The following MYO18A variants were observed in gnomAD, a reference collection of about 807,000 sequenced individuals.
MYO18A encodes the protein myosin XVIIIA, also known as unconventional myosin-XVIIIa.
In MYO18A, 78 loss-of-function variants were observed where a neutral mutation model predicts 235.8. The ratio of observed to expected loss-of-function variants is 0.33; its 90% CI spans 0.28 to 0.40. The LOEUF is 0.40. Ranked by LOEUF, MYO18A falls within the 10% of genes least tolerant of loss-of-function variation. MYO18A has a pLI of 1.00. For synonymous variants in MYO18A, 977 were observed against 1,077.8 expected (o/e 0.91, Z 1.83); for missense variants, 2,215 against 2,699.3 (o/e 0.82, Z 3.98).
chr17:29,128,162 T>A (rs1245270760), intron 2 of MYO18A: 15 of 1,118,904 alleles, frequency 1.3e-5, no homozygotes, highest in Non-Finnish European at 1.3e-5. Context: ...GGCTGCCTCC[T>A]TCTTCACTTC....
chr17:29,165,533 C>T (rs1231449214), intron 2 of MYO18A: 1 of 175,814 alleles, frequency 5.7e-6, no homozygotes, highest in Admixed American at 5.7e-5. Context: ...CCGCTGAATT[C>T]AGTTAGGTCA....
Position 29,110,536 on chromosome 17 carries a change from T to C in MYO18A, c.2987A>G (p.Gln996Arg). ...GCTGGTGGCCCGGCGCAGTGCCAGC[T>C]GCGAGCCGCCCTCCAGGCCCGCGAT... is the stretch of plus-strand genomic sequence containing the variant. ...GSIAGLEGGS[Q>R]LALRRATSMR... Residue 996 changes from glutamine (Q) to arginine (R), a missense_variant, in exon 18 of 42, where the codon CAG (glutamine) becomes CGG (arginine). Coordinates refer to ENST00000527372, the MANE Select transcript of MYO18A (RefSeq NM_078471.4). The C allele has an allele frequency of 6.2e-7, 1 of 1,610,482 alleles. No homozygotes were observed.
At chr17:29,132,554 C>T (rs1406394205) in intron 2 of MYO18A, among the ~76,000 whole-genome samples, 3 of 152,184 alleles carry the variant, frequency 2.0e-5, no homozygotes, top group Non-Finnish European at 4.4e-5. Flanking sequence ...GGGAAAAAAT[C>T]TTTAGAAACA....
In MYO18A at chr17:29,121,509, G is replaced by T; in HGVS notation, c.1371+38C>A. On this transcript the variant is annotated intron_variant, in intron 5 of 41. Transcript: ENST00000527372. The surrounding 1 kb of genome is among the most constrained non-coding windows in gnomAD (Gnocchi z 4.2). ...GGCAGAGAGCCAGGGCAGGGGGTGG[G>T]ACCAGGAGTCTGCAGGGTAGCCTTG... 1 of 1,557,978 alleles carries T rather than the reference G, an allele frequency of 6.4e-7. No homozygotes were observed. The highest frequency in any genetic ancestry group is 1.2e-5 in the South Asian group (1 of 84,154).
At chr17:29,098,080 G>A (rs781655042) in intron 25 of MYO18A, 25 bp downstream of exon 25, 2 of 1,610,658 alleles carry the variant, frequency 1.2e-6, no homozygotes, top group Non-Finnish European at 1.7e-6. Flanking sequence ...CCAGCCTGCT[G>A]TTCTCACCCA....
chr17:29,115,285 G>A, intron 13 of MYO18A, 66 bp downstream of exon 13: 1 of 1,568,422 alleles, frequency 6.4e-7, no homozygotes, highest in Non-Finnish European at 8.7e-7. Flanking sequence ...CGGCCAACAA[G>A]GCATGAAGGC....
At chr17:29,151,966 G>A (rs902341177) in intron 2 of MYO18A, among the ~76,000 whole-genome samples, 3 of 152,150 alleles carry the variant, frequency 2.0e-5, no homozygotes, top group African/African-American at 7.2e-5. Flanking sequence ...GGTGGAGAAT[G>A]GACTCTGGAC....
chr17:29,149,189 A>G (rs575871488), intron 2 of MYO18A, among the ~76,000 whole-genome samples: 13 of 152,352 alleles, frequency 8.5e-5, no homozygotes, highest in Non-Finnish European at 1.0e-4. Flanking sequence ...CGTCCCCAGG[A>G]CGCGTAGGGC....
rs368144764 is a variant in MYO18A at position 29,115,437 on chromosome 17, C to T, written c.2232G>A (p.Pro744=). 4.4e-5 allele frequency: 71 copies of T among 1,613,370 alleles called. No homozygotes were observed. Among genetic ancestry groups the T allele is most frequent in the Non-Finnish European group, 5.5e-5 (65 of 1,179,744 alleles). ...CAAGGCACTCCAGTGCACTCAGTTT[C>T]GGGCCTGTGGGGCAGGGGGAGCAGC... The part of the protein sequence containing the change: ...EESGLGDGTG[P]KLSALECLEG... Residue 744 remains proline, a synonymous_variant, in exon 13 of 42, where the codon CCG becomes CCA. Transcript: ENST00000527372.
chr17:29,090,961 G>C, intron 34 of MYO18A, 35 bp from the exon 35 acceptor site: 1 of 1,568,856 alleles, frequency 6.4e-7, no homozygotes, highest in Non-Finnish European at 8.8e-7. Context: ...GAGGGCCTCA[G>C]GCCCAGTGTG....
In MYO18A at chr17:29,097,832, A is replaced by G; in HGVS notation, c.4058T>C (p.Ile1353Thr). The change falls in exon 26 of 42, where the codon ATC becomes ACC. Residue 1353 changes from isoleucine to threonine, a missense_variant. Ile to Thr is a moderately conservative substitution (Grantham distance 89). Coordinates refer to ENST00000527372, the MANE Select transcript of MYO18A (RefSeq NM_078471.4). ...MEMEVMEARL[I>T]RAAEINGEVD... ...TTCCCCGTTGATCTCCGCTGCCCGGATGAGACGGGCCTCCATCACCTCCAT... is the reference window on the plus strand; with the variant it reads ...TTCCCCGTTGATCTCCGCTGCCCGGGTGAGACGGGCCTCCATCACCTCCAT... The G allele has an allele frequency of 6.2e-7, 1 of 1,613,862 alleles. No homozygotes were observed.
rs528267372 is a variant in MYO18A at position 29,125,677 on chromosome 17, C to T, written c.1000-3424G>A. Among the ~76,000 whole-genome samples, 27 of 152,292 alleles carry T rather than the reference C, an allele frequency of 1.8e-4. 1 individual carries two copies. Among genetic ancestry groups the T allele is most frequent in the African/African-American group, 6.5e-4 (27 of 41,546 alleles). The stretch of plus-strand genomic sequence containing the variant: ...CTGGGCCCTGAGCGAGGAGGGGTGC[C>T]CTCCCACATGCACAGGACTTTGGGC... On this transcript the variant is annotated intron_variant, in intron 2 of 41. Coordinates refer to ENST00000527372, the MANE Select transcript of MYO18A (RefSeq NM_078471.4). This position sits in a 1 kb window ranked among gnomAD's most constrained non-coding sequence, Gnocchi z 5.1.
Position 29,117,960 on chromosome 17 carries a change from G to A in MYO18A, c.2038+85C>T, listed in dbSNP as rs1272418963. The A allele has an allele frequency of 1.4e-6, 2 of 1,457,628 alleles. No homozygotes were observed. The highest frequency in any genetic ancestry group is 1.4e-5 in the African/African-American group (1 of 71,180). 90.3% of individuals were successfully genotyped at this position (1,457,628 alleles called of 1,614,324 possible). Reference sequence around the variant, plus strand: ...GTCTCAGAACGGCTAAGTCTGTGCTGGGCAAGAATAAACTGGGAGTGGGCA... The same window carrying A: ...GTCTCAGAACGGCTAAGTCTGTGCTAGGCAAGAATAAACTGGGAGTGGGCA... On this transcript the variant is annotated intron_variant, in intron 10 of 41. Transcript: ENST00000527372. The surrounding 1 kb of genome is among the most constrained non-coding windows in gnomAD (Gnocchi z 4.6).
chr17:29,130,474 CCACACACACACACACACACA>C (rs71135871), intron 2 of MYO18A, among the ~76,000 whole-genome samples: 11,910 of 142,232 alleles, frequency 0.084, 675 homozygotes, highest in Middle Eastern at 0.13. Context: ...GAGGCCTCTC[CCACACACACACACACACACA>C]CACACACACA....
intron 41 of MYO18A, among the ~76,000 whole-genome samples, chr17:29,081,318 C>T (rs2066116835): frequency 6.6e-6 from 1 of 152,178 alleles, no homozygotes; most frequent in Non-Finnish European, 1.5e-5. Context: ...TGTCAACTAC[C>T]TGGAGCCTCG....
chr17:29,178,058 G>A (rs1056890756), intron 1 of MYO18A, among the ~76,000 whole-genome samples: 1 of 152,084 alleles, frequency 6.6e-6, no homozygotes, highest in Non-Finnish European at 1.5e-5. Flanking sequence ...CTGCCTCTGG[G>A]GGACCCAGAG....
At chr17:29,088,290 G>A (rs183981459) in intron 37 of MYO18A, among the ~76,000 whole-genome samples, 185 of 151,746 alleles carry the variant, frequency 1.2e-3, no homozygotes, top group African/African-American at 4.3e-3. Flanking sequence ...TCCTGACCTC[G>A]TGATCCGCCC....
chr17:29,089,810 G>T, intron 37 of MYO18A, 151 bp downstream of exon 37: 1 of 981,120 alleles, frequency 1.0e-6, no homozygotes, highest in African/African-American at 1.6e-5. Flanking sequence ...CAGGGCGGGA[G>T]AGAAGCACCT....
At position 29,098,432 on chromosome 17, in the gene MYO18A, T is replaced by C; in HGVS notation, c.3794A>G (p.Gln1265Arg). 2 of 1,613,946 alleles carry C rather than the reference T, an allele frequency of 1.2e-6. No homozygotes were observed. The highest frequency in any genetic ancestry group is 1.7e-6 in the Non-Finnish European group (2 of 1,179,868). Residue 1265 changes from glutamine (Q) to arginine (R), a missense_variant, in exon 24 of 42, where the codon CAG becomes CGG. Transcript: ENST00000527372. The part of the protein sequence containing the change: ...QIRNKDEEIQ[Q>R]LRSKLEKAEK... Reference sequence around the variant, plus strand: ...CGCCTTCTCGAGCTTGCTCCGCAGCTGCTGGATCTCCTCCTAGGGTGGACC... The same window carrying C: ...CGCCTTCTCGAGCTTGCTCCGCAGCCGCTGGATCTCCTCCTAGGGTGGACC...
Sources: allele counts gnomAD v4.1 joint callset (sites outside exome capture counted in the v4.1 genomes callset), GRCh38; gene constraint gnomAD v4.1.1; non-coding constraint Gnocchi (gnomAD v3.1); transcripts MANE v1.5; gene names NCBI Gene and HGNC (gene_info 2026-07-23, HGNC 2026-07-21).